CARMIL1: variants seen among roughly 807,000 people sequenced by gnomAD.
CARMIL1 encodes the protein capping protein regulator and myosin 1 linker 1, also known as F-actin-uncapping protein LRRC16A.
CARMIL1 carries 90 observed loss-of-function variants against 177.1 expected under a neutral mutation model. The observed-to-expected ratio is 0.51, with a 90% CI of 0.43 to 0.61. CARMIL1 has a LOEUF of 0.61. Among genes scored for constraint, CARMIL1 ranks in the 20% least tolerant of loss-of-function variants. The probability of loss-of-function intolerance (pLI) is 0.00; values close to 1 mark genes in which losing one functional copy is unlikely to be tolerated. For synonymous variants in CARMIL1, 577 were observed against 606.2 expected (o/e 0.95, Z 0.71); for missense variants, 1,380 against 1,667.0 (o/e 0.83, Z 3.00).
intron 4 of CARMIL1, among the ~76,000 whole-genome samples, chr6:25,431,291 T>G (rs1015011571): frequency 2.0e-5 from 3 of 152,206 alleles, no homozygotes; most frequent in Admixed American, 6.5e-5. Flanking sequence ...TGTGTGTTTG[T>G]GTGTATGTGG....
rs118048875 is a variant in CARMIL1, at chr6:25,475,784, C to T, written c.874+3263C>T. Among the ~76,000 whole-genome samples the T allele has an allele frequency of 6.4e-4, 98 of 152,220 alleles. 2 individuals carry two copies. The East Asian group carries it at 0.015, about 24-fold the overall frequency. ...GCCCTTTGTTTTCTCTCCCGTTGTCCGCTTCATGTTCTCTGAGGTGCAGCC... is the reference window on the plus strand; with the variant it reads ...GCCCTTTGTTTTCTCTCCCGTTGTCTGCTTCATGTTCTCTGAGGTGCAGCC... On this transcript the variant is annotated intron_variant, in intron 11 of 36. Transcript: ENST00000329474.
Position 25,515,665 on chromosome 6 carries a change from T to C in CARMIL1, c.1633-10T>C, listed in dbSNP as rs769963263. Reference sequence around the variant, plus strand: ...AGACTGCTGAGTGCCGTGTGTCATTTGCTCCGCAGCCTCTGCAGTCCTTGT... The same window carrying C: ...AGACTGCTGAGTGCCGTGTGTCATTCGCTCCGCAGCCTCTGCAGTCCTTGT... On this transcript the variant is annotated splice_polypyrimidine_tract_variant and intron_variant, in intron 20 of 36. Coordinates refer to ENST00000329474, the MANE Select transcript of CARMIL1 (RefSeq NM_017640.6). This position sits in a 1 kb window ranked among gnomAD's most constrained non-coding sequence, Gnocchi z 5.0. The C allele has an allele frequency of 5.0e-6, 8 of 1,592,368 alleles. No individual in the cohort carries two copies. The South Asian group carries it at 8.0e-5, about 16-fold the overall frequency.
At chr6:25,498,333 CATT>C (rs758971003) in intron 16 of CARMIL1, among the ~76,000 whole-genome samples, 4 of 152,180 alleles carry the variant, frequency 2.6e-5, no homozygotes, top group Non-Finnish European at 4.4e-5. Flanking sequence ...ATTTTGCCAT[CATT>C]AGGTTAAAAT....
chr6:25,544,237 GC>G (rs975748577), intron 26 of CARMIL1, among the ~76,000 whole-genome samples: 1 of 152,044 alleles, frequency 6.6e-6, no homozygotes, highest in African/African-American at 2.4e-5. Flanking sequence ...TGAATTAAAG[GC>G]CAGAATCTTC....
intron 32 of CARMIL1, among the ~76,000 whole-genome samples, chr6:25,596,592 C>T (rs1343423236): frequency 6.6e-6 from 1 of 152,108 alleles, no homozygotes; most frequent in African/African-American, 2.4e-5. Context: ...TAACCGCTAA[C>T]TTCTTACTTA....
At chr6:25,594,610 A>G (rs1814640873) in intron 32 of CARMIL1, 83 bp downstream of exon 32, 2 of 792,966 alleles carry the variant, frequency 2.5e-6, no homozygotes, top group African/African-American at 3.5e-5. Context: ...TAGTATACTA[A>G]GTTTCATTTT....
chr6:25,312,060 A>G (rs1783866015), intron 2 of CARMIL1, among the ~76,000 whole-genome samples: 2 of 152,236 alleles, frequency 1.3e-5, no homozygotes, highest in Non-Finnish European at 2.9e-5. Context: ...TGGAACTTCA[A>G]ATCTAGTTAT....
intron 2 of CARMIL1, among the ~76,000 whole-genome samples, chr6:25,347,098 C>T (rs1457078322): frequency 1.3e-5 from 2 of 152,172 alleles, no homozygotes; most frequent in Non-Finnish European, 2.9e-5. Flanking sequence ...AATGTTTAGA[C>T]CGTACATTAT....
intron 11 of CARMIL1, among the ~76,000 whole-genome samples, chr6:25,480,897 T>C (rs1562196026): frequency 6.6e-6 from 1 of 151,860 alleles, no homozygotes; most frequent in Non-Finnish European, 1.5e-5. Context: ...ATTTTTTGTA[T>C]TTTTAGTAGA....
chr6:25,401,984 C>T (rs1046544427), intron 2 of CARMIL1, among the ~76,000 whole-genome samples: 13 of 151,330 alleles, frequency 8.6e-5, no homozygotes, highest in African/African-American at 2.7e-4. Context: ...CAAGGATTTG[C>T]GTGTAGTTTT....
At chr6:25,426,435 A>G (rs1796282454) in intron 3 of CARMIL1, 66 bp from the exon 4 acceptor site, 2 of 1,153,834 alleles carry the variant, frequency 1.7e-6, no homozygotes, top group Non-Finnish European at 2.5e-6. Context: ...TTTTTACCTT[A>G]AGTTATATGT....
At chr6:25,407,398 G>A (rs1794471796) in intron 2 of CARMIL1, among the ~76,000 whole-genome samples, 1 of 119,406 alleles carries the variant, frequency 8.4e-6, no homozygotes, top group Non-Finnish European at 1.8e-5. Context: ...CACACGAAGG[G>A]ACGGGCATTT....
intron 21 of CARMIL1, among the ~76,000 whole-genome samples, chr6:25,516,162 G>C (rs1161222316): frequency 6.6e-6 from 1 of 152,152 alleles, no homozygotes; most frequent in African/African-American, 2.4e-5. Context: ...GAGAAGCTAG[G>C]AGGGTTTTGT....
At position 25,326,014 on chromosome 6, in the gene CARMIL1, C is replaced by T. The variant is rs1443580678; in HGVS notation, c.138+41105C>T. 2.6e-5 allele frequency among the ~76,000 whole-genome samples: 4 copies of T among 152,076 alleles called. No individual in the cohort carries two copies. Among genetic ancestry groups the T allele is most frequent in the Non-Finnish European group, 4.4e-5 (3 of 68,006 alleles). Reference sequence around the variant, plus strand: ...CCTCCCTAGCAGTTGGGACTACAGGCGCGCACCAGCTCGCCCGGCTAATTT... The same window carrying T: ...CCTCCCTAGCAGTTGGGACTACAGGTGCGCACCAGCTCGCCCGGCTAATTT... On this transcript the variant is annotated intron_variant, in intron 2 of 36. Coordinates refer to ENST00000329474, the MANE Select transcript of CARMIL1 (RefSeq NM_017640.6). This position sits in a 1 kb window ranked among gnomAD's most constrained non-coding sequence, Gnocchi z 4.2.
intron 2 of CARMIL1, among the ~76,000 whole-genome samples, chr6:25,366,974 A>G (rs924437680): frequency 2.0e-5 from 3 of 152,226 alleles, no homozygotes; most frequent in African/African-American, 7.2e-5. Flanking sequence ...TACTTCTGCC[A>G]AATTGAAGCA....
chr6:25,327,537 A>G (rs1785241110), intron 2 of CARMIL1, among the ~76,000 whole-genome samples: 2 of 152,234 alleles, frequency 1.3e-5, no homozygotes, highest in African/African-American at 4.8e-5. Context: ...GTAAGTTTTC[A>G]TTGATTTCAC....
At chr6:25,328,077 G>T (rs1785286564) in intron 2 of CARMIL1, among the ~76,000 whole-genome samples, 1 of 152,130 alleles carries the variant, frequency 6.6e-6, no homozygotes, top group South Asian at 2.1e-4. Flanking sequence ...GACGTAGGTG[G>T]TATTTCCCTC....
chr6:25,619,616 G>A lies in CARMIL1; in HGVS notation c.*33G>A, dbSNP rs557409089. ...CCACGCAGAAGTCTTCCTGTGCAGG[G>A]TGCTTTGGTAGCCATCAGAGAGGAA... On this transcript the variant is annotated 3_prime_UTR_variant, in exon 37 of 37. Transcript: ENST00000329474. 2 of 1,599,428 alleles carry A rather than the reference G, an allele frequency of 1.3e-6. No individual in the cohort carries two copies. The highest frequency in any genetic ancestry group is 1.7e-6 in the Non-Finnish European group (2 of 1,173,494).
intron 2 of CARMIL1, among the ~76,000 whole-genome samples, chr6:25,343,024 G>A (rs896670228): frequency 1.3e-5 from 2 of 152,156 alleles, no homozygotes; most frequent in African/African-American, 4.8e-5. Flanking sequence ...AAGCGCTCCA[G>A]CCTAAGCATT....
Sources: allele counts gnomAD v4.1 joint callset (sites outside exome capture counted in the v4.1 genomes callset), GRCh38; gene constraint gnomAD v4.1.1; non-coding constraint Gnocchi (gnomAD v3.1); transcripts MANE v1.5; gene names NCBI Gene and HGNC (gene_info 2026-07-23, HGNC 2026-07-21).